The following DPP6 variants were observed in gnomAD, a reference collection of about 807,000 sequenced individuals.
DPP6 encodes the protein dipeptidyl peptidase like 6.
A neutral mutation model predicts 122.6 loss-of-function variants in DPP6; 69 were observed. The observed-to-expected ratio is 0.56, with a 90% CI of 0.46 to 0.69. The LOEUF is 0.69. DPP6 is among the 30% of genes least tolerant of loss of function. The pLI is 0.00. For missense variants in DPP6, 928 were observed against 1,116.9 expected (o/e 0.83, Z 2.41); for synonymous variants, 418 against 433.1 (o/e 0.97, Z 0.43).
chr7:154,365,803 C>A lies in DPP6; in HGVS notation c.244-80411C>A, dbSNP rs766582224. On this transcript the variant is annotated intron_variant, in intron 1 of 25. Coordinates refer to ENST00000377770, the MANE Select transcript of DPP6 (RefSeq NM_130797.4). ...GAAACCCCGTCTCTACTAAAAATAC[C>A]AAAAATTAGCCACACGTGGTGGCGG... Among the ~76,000 whole-genome samples the A allele has an allele frequency of 5.3e-4, 81 of 152,020 alleles. 1 individual carries two copies. Among genetic ancestry groups the A allele is most frequent in the South Asian group, 2.1e-3 (10 of 4,810 alleles).
At chr7:154,484,472 C>G (rs1170625013) in intron 3 of DPP6, among the ~76,000 whole-genome samples, 1 of 152,202 alleles carries the variant, frequency 6.6e-6, no homozygotes, top group Non-Finnish European at 1.5e-5. Context: ...TCAAGGGGTC[C>G]CCTCTCCTCC....
Position 154,282,239 on chromosome 7 carries a change from T to G in DPP6, c.244-163975T>G, listed in dbSNP as rs1804564393. The stretch of plus-strand genomic sequence containing the variant: ...GAAGACTCCAATCTGTGGTTTTCAT[T>G]GATGGTGGCAGCTTTAGCCAGGCAG... On this transcript the variant is annotated intron_variant, in intron 1 of 25. Transcript: ENST00000377770. This position sits in a 1 kb window ranked among gnomAD's most constrained non-coding sequence, Gnocchi z 4.8. 6.6e-6 allele frequency among the ~76,000 whole-genome samples: 1 copy of G among 152,118 alleles called. No homozygotes were observed. The highest frequency in any genetic ancestry group is 2.1e-4 in the South Asian group (1 of 4,822).
At chr7:154,444,877 C>T (rs575230003) in intron 1 of DPP6, among the ~76,000 whole-genome samples, 6 of 152,118 alleles carry the variant, frequency 3.9e-5, no homozygotes, top group Non-Finnish European at 7.4e-5. Context: ...TTGTTGCTCA[C>T]GGATAGTCTT....
Position 154,084,989 on chromosome 7 carries a change from C to CAAAAAA in DPP6, c.243+31943_243+31948dup, listed in dbSNP as rs370222780. Among the ~76,000 whole-genome samples, 83 of 78,332 alleles carry CAAAAAA rather than the reference C, an allele frequency of 1.1e-3. 3 individuals carry two copies. The highest frequency in any genetic ancestry group is 3.5e-3 in the African/African-American group (65 of 18,740). The allele number at this position is 78,332 out of a possible 152,430, so 51.4% of individuals were successfully genotyped here. On this transcript the variant is annotated intron_variant, in intron 1 of 25. Coordinates refer to ENST00000377770, the MANE Select transcript of DPP6 (RefSeq NM_130797.4). ...TGGGCGACAGAGCGAGACTCCGTCT[C>CAAAAAA]AAAAAAAAAAAAAAAAAAAAAACAG...
chr7:154,802,779 G>A (rs1278983470), intron 13 of DPP6, among the ~76,000 whole-genome samples: 3 of 149,462 alleles, frequency 2.0e-5, no homozygotes, highest in Non-Finnish European at 4.4e-5. Context: ...GGAGGCTGCA[G>A]TAAGCTGAGA....
chr7:154,401,815 A>G (rs1401444860), intron 1 of DPP6, among the ~76,000 whole-genome samples: 5 of 152,228 alleles, frequency 3.3e-5, no homozygotes, highest in Non-Finnish European at 7.3e-5. Context: ...CAGGCAGCCT[A>G]CAAAATGGGA....
chr7:154,425,604 A>AAATGTGTGTG (rs60604834), intron 1 of DPP6, among the ~76,000 whole-genome samples: 1 of 128,236 alleles, frequency 7.8e-6, no homozygotes, highest in African/African-American at 3.6e-5. Context: ...GGGGAAAAAA[A>AAATGTGTGTG]TGTGTGTGTG....
intron 1 of DPP6, among the ~76,000 whole-genome samples, chr7:153,955,594 A>G (rs1802421604): frequency 6.6e-6 from 1 of 151,926 alleles, no homozygotes; most frequent in Non-Finnish European, 1.5e-5. Context: ...ACCCGCCACC[A>G]CGCCTGGTTA....
intron 1 of DPP6, among the ~76,000 whole-genome samples, chr7:154,289,404 A>G (rs1243892418): frequency 1.3e-5 from 2 of 152,186 alleles, no homozygotes; most frequent in Admixed American, 1.3e-4. Context: ...ACTTTGACCT[A>G]TGGCTTGTGA....
At chr7:154,335,585 T>C (rs1809341746) in intron 1 of DPP6, among the ~76,000 whole-genome samples, 1 of 152,066 alleles carries the variant, frequency 6.6e-6, no homozygotes, top group African/African-American at 2.4e-5. Context: ...AGATTAAGAG[T>C]ACAGAATCAA....
At chr7:153,944,631 AGGAG>A (rs1801855217) in intron 1 of DPP6, among the ~76,000 whole-genome samples, 1 of 141,940 alleles carries the variant, frequency 7.0e-6, no homozygotes, top group African/African-American at 2.6e-5. Context: ...GGCCATAACT[AGGAG>A]GGACCATCAG....
intron 7 of DPP6, 80 bp from the exon 8 acceptor site, chr7:154,727,687 T>A: frequency 6.8e-7 from 1 of 1,476,512 alleles, no homozygotes; most frequent in East Asian, 2.5e-5. Flanking sequence ...ACCCGGTTGA[T>A]GATTTCAGAT....
chr7:154,475,226 T>G (rs1410242535), intron 3 of DPP6, 189 bp downstream of exon 3: 2 of 600,804 alleles, frequency 3.3e-6, no homozygotes, highest in Non-Finnish European at 6.1e-6. Context: ...AAATCAGGCT[T>G]TTGTAATGGT....
intron 10 of DPP6, among the ~76,000 whole-genome samples, chr7:154,782,706 G>T (rs979423079): frequency 6.6e-6 from 1 of 152,204 alleles, no homozygotes; most frequent in East Asian, 1.9e-4. Flanking sequence ...AAGCCAGGAA[G>T]TGCTTGTCCC....
chr7:154,133,873 G>A (rs974729956), intron 1 of DPP6, among the ~76,000 whole-genome samples: 2 of 150,598 alleles, frequency 1.3e-5, no homozygotes, highest in South Asian at 2.1e-4. Context: ...CCACAGGACC[G>A]AGTGAGTCTC....
At chr7:154,759,831 A>C (rs2131506402) in intron 8 of DPP6, among the ~76,000 whole-genome samples, 1 of 152,326 alleles carries the variant, frequency 6.6e-6, no homozygotes, top group South Asian at 2.1e-4. Context: ...AGAAAAGAAA[A>C]GCTTTATATT....
intron 1 of DPP6, among the ~76,000 whole-genome samples, chr7:154,255,249 G>C (rs984661761): frequency 6.6e-6 from 1 of 152,084 alleles, no homozygotes; most frequent in African/African-American, 2.4e-5. Flanking sequence ...CAAGAAAGAA[G>C]AACTGAAGGT....
chr7:154,021,037 G>A (rs1798673263), intron 1 of DPP6, among the ~76,000 whole-genome samples: 1 of 152,170 alleles, frequency 6.6e-6, no homozygotes, highest in Non-Finnish European at 1.5e-5. Context: ...GAGAGGAAGA[G>A]AGCTGCCGGG....
intron 1 of DPP6, among the ~76,000 whole-genome samples, chr7:154,262,129 T>C (rs1585770267): frequency 1.3e-5 from 2 of 151,896 alleles, no homozygotes; most frequent in South Asian, 2.1e-4. Flanking sequence ...TGAAGGAAAG[T>C]GAAAATTGAG....
Sources: allele counts gnomAD v4.1 joint callset (sites outside exome capture counted in the v4.1 genomes callset), GRCh38; gene constraint gnomAD v4.1.1; non-coding constraint Gnocchi (gnomAD v3.1); transcripts MANE v1.5; gene names NCBI Gene and HGNC (gene_info 2026-07-23, HGNC 2026-07-21).